The following PTGER3 variants were observed in gnomAD, a reference collection of about 807,000 sequenced individuals.
The protein encoded by PTGER3 is prostaglandin E receptor 3, also known as prostaglandin E2 receptor EP3 subtype.
PTGER3 carries 22 observed loss-of-function variants against 34.7 expected under a neutral mutation model. The ratio of observed to expected loss-of-function variants is 0.63; its 90% CI spans 0.45 to 0.91. The LOEUF is 0.91. Among genes scored for constraint, PTGER3 ranks in the 40% least tolerant of loss-of-function variants. PTGER3 has a pLI of 0.00. For synonymous variants in PTGER3, 241 were observed against 230.1 expected, an observed-to-expected ratio of 1.05 and a Z score of -0.43; for missense variants, 468 against 519.4, an observed-to-expected ratio of 0.90 and a Z score of 0.96.
At chr1:71,034,435 GC>G (rs750600490) in intron 1 of PTGER3, among the ~76,000 whole-genome samples, 17 of 152,164 alleles carry the variant, frequency 1.1e-4, no homozygotes, top group Non-Finnish European at 2.1e-4. Flanking sequence ...AAAGTACCTG[GC>G]ACAAAATGCA....
chr1:70,981,765 G>C (rs368169079), intron 2 of PTGER3, among the ~76,000 whole-genome samples: 6 of 151,870 alleles, frequency 4.0e-5, no homozygotes, highest in Admixed American at 2.6e-4. Flanking sequence ...CATAAGTTTT[G>C]ATCTATTTCC....
chr1:70,901,473 AG>A (rs1206821830), intron 4 of PTGER3, among the ~76,000 whole-genome samples: 2 of 152,220 alleles, frequency 1.3e-5, no homozygotes, highest in Admixed American at 6.5e-5. Flanking sequence ...AAGAAATCAG[AG>A]GAATCCATTG....
downstream of PTGER3, among the ~76,000 whole-genome samples, chr1:70,968,798 T>TA (rs113988873): frequency 4.6e-3 from 695 of 152,038 alleles, 12 homozygotes; most frequent in African/African-American, 0.016. Context: ...TGGACAAAGA[T>TA]ATTTCTCATT....
intron 1 of PTGER3, among the ~76,000 whole-genome samples, chr1:71,035,299 C>A (rs1247403785): frequency 6.6e-6 from 1 of 152,136 alleles, no homozygotes; most frequent in African/African-American, 2.4e-5. Flanking sequence ...TTATGTGTTT[C>A]TCCCTTTCCC....
At chr1:70,891,231 A>G (rs555183335) in intron 4 of PTGER3, among the ~76,000 whole-genome samples, 11 of 152,364 alleles carry the variant, frequency 7.2e-5, no homozygotes, top group Admixed American at 5.9e-4. Context: ...ACTATCAGTC[A>G]TCACACAGGC....
chr1:70,979,880 G>A (rs1308606234), intron 2 of PTGER3, among the ~76,000 whole-genome samples: 5 of 152,096 alleles, frequency 3.3e-5, no homozygotes, highest in Non-Finnish European at 7.4e-5. Context: ...ACTGCTTCTT[G>A]AATCTTCATC....
intron 2 of PTGER3, among the ~76,000 whole-genome samples, chr1:70,958,356 C>T (rs1651574434): frequency 6.6e-6 from 1 of 152,004 alleles, no homozygotes; most frequent in Admixed American, 6.6e-5. Context: ...GCATGTTTGT[C>T]TTTTTGAAAA....
chr1:70,874,810 A>C (rs190533800), intron 4 of PTGER3, among the ~76,000 whole-genome samples: 1 of 152,172 alleles, frequency 6.6e-6, no homozygotes, highest in Admixed American at 6.6e-5. Context: ...TGTTCAGAAT[A>C]ATTCATTTTA....
At chr1:70,912,079 T>C (rs1050031062) in intron 4 of PTGER3, among the ~76,000 whole-genome samples, 25 of 152,144 alleles carry the variant, frequency 1.6e-4, no homozygotes, top group Admixed American at 1.4e-3. Flanking sequence ...GAAATATTGG[T>C]GGACCTGCAT....
At chr1:70,990,999 G>A (rs1426251627) in intron 2 of PTGER3, among the ~76,000 whole-genome samples, 4 of 152,142 alleles carry the variant, frequency 2.6e-5, no homozygotes, top group South Asian at 2.1e-4. Context: ...CCTTCTGAAC[G>A]TCATTCACTT....
intron 2 of PTGER3, among the ~76,000 whole-genome samples, chr1:70,983,878 T>G (rs1572851460): frequency 6.6e-6 from 1 of 152,106 alleles, no homozygotes; most frequent in Non-Finnish European, 1.5e-5. Context: ...CTCAGAACCA[T>G]GAGGAAACAG....
chr1:71,029,536 T>G (rs1303162061), intron 1 of PTGER3, among the ~76,000 whole-genome samples: 2 of 152,244 alleles, frequency 1.3e-5, no homozygotes, highest in African/African-American at 2.4e-5. Context: ...ATTTGTCTAT[T>G]GTGGCCAATC....
chr1:70,981,996 A>G (rs940703010), intron 2 of PTGER3, among the ~76,000 whole-genome samples: 2 of 152,114 alleles, frequency 1.3e-5, no homozygotes. Flanking sequence ...GGCAAGTTCA[A>G]ATTCCACTTT....
At chr1:71,041,048 G>T (rs1344697515) in intron 1 of PTGER3, among the ~76,000 whole-genome samples, 1 of 152,176 alleles carries the variant, frequency 6.6e-6, no homozygotes, top group African/African-American at 2.4e-5. Flanking sequence ...GTCATATGCT[G>T]CCCAACTGTC....
intron 4 of PTGER3, among the ~76,000 whole-genome samples, chr1:70,889,037 A>T (rs553732822): frequency 6.6e-6 from 1 of 152,290 alleles, no homozygotes; most frequent in Non-Finnish European, 1.5e-5. Flanking sequence ...CTCCCTTTTC[A>T]TGCCCCATTG....
chr1:71,047,627 G>A lies in PTGER3; in HGVS notation c.-50C>T. ...TGGCGTCCAGAGAGCCGCAGCGGGAGGGGGCAGACGCGGCGCGGGCGGCGG... is the reference window on the plus strand; with the variant it reads ...TGGCGTCCAGAGAGCCGCAGCGGGAAGGGGCAGACGCGGCGCGGGCGGCGG... On this transcript the variant is annotated 5_prime_UTR_variant, in exon 1 of 4. Coordinates refer to ENST00000306666, the MANE Select transcript of PTGER3 (RefSeq NM_198719.2). 1 of 1,459,986 alleles carries A rather than the reference G, an allele frequency of 6.8e-7. No homozygotes were observed. Among genetic ancestry groups the A allele is most frequent in the Non-Finnish European group, 9.1e-7 (1 of 1,103,310 alleles). The allele number at this position is 1,459,986 out of a possible 1,614,324, so 90.4% of individuals were successfully genotyped here. A position where few individuals can be genotyped will look rare whatever the true frequency, so the allele number is the denominator to read the frequency against.
At chr1:70,976,354 G>A (rs928928096) in intron 2 of PTGER3, among the ~76,000 whole-genome samples, 3 of 152,030 alleles carry the variant, frequency 2.0e-5, no homozygotes, top group African/African-American at 7.2e-5. Context: ...GTAATAATGC[G>A]GTGTCCTTGT....
intron 4 of PTGER3, among the ~76,000 whole-genome samples, chr1:70,873,306 C>T (rs1460846084): frequency 1.3e-5 from 2 of 152,158 alleles, no homozygotes; most frequent in Non-Finnish European, 2.9e-5. Context: ...ATTGATGGAA[C>T]ATAATGAGCT....
At chr1:70,886,179 A>G (rs911921760) in intron 4 of PTGER3, 2 of 343,602 alleles carry the variant, frequency 5.8e-6, no homozygotes, top group Admixed American at 3.2e-5. Flanking sequence ...CCCTTTTAAG[A>G]AGAGACAAGA....
Sources: gnomAD v4.1 joint callset for allele counts (sites outside exome capture counted in the v4.1 genomes callset) on GRCh38, gnomAD v4.1.1 for gene constraint, MANE v1.5 for transcripts, NCBI Gene and HGNC (gene_info 2026-07-23, HGNC 2026-07-21) for gene names.